Variants in TTLL8 observed in about 807,000 individuals in gnomAD.
TTLL8 encodes the protein protein monoglycylase TTLL8.
Under a neutral mutation model 77.8 loss-of-function variants are expected in TTLL8, and 65 were observed. The ratio of observed to expected loss-of-function variants is 0.84; its 90% CI spans 0.68 to 1.03. The LOEUF (loss-of-function observed/expected upper bound fraction) is 1.03, where lower values mean the gene tolerates loss of function less well. TTLL8 is among the 50% of genes least tolerant of loss of function. The pLI, the probability that TTLL8 is intolerant of heterozygous loss-of-function variation, is 0.00. For synonymous variants in TTLL8, 402 were observed against 422.8 expected, an observed-to-expected ratio of 0.95 and a Z score of 0.60; for missense variants, 910 against 1,004.5, an observed-to-expected ratio of 0.91 and a Z score of 1.27.
chr22:50,027,058 A>AC (rs1266804351), intron 12 of TTLL8, among the ~76,000 whole-genome samples: 1 of 151,464 alleles, frequency 6.6e-6, no homozygotes, highest in African/African-American at 2.4e-5. Flanking sequence ...ATATGATGAA[A>AC]CCCCATCTCT....
chr22:50,056,756 G>A, upstream of TTLL8: 1 of 1,283,258 alleles, frequency 7.8e-7, no homozygotes, highest in East Asian at 5.6e-5. The surrounding 1 kb of genome is among the most constrained non-coding windows in gnomAD (Gnocchi z 4.1). Flanking sequence ...GCTCAGTGAA[G>A]TGCCTGCCCC....
At chr22:50,052,794 C>T (rs1601940027) in intron 1 of TTLL8, among the ~76,000 whole-genome samples, 1 of 152,210 alleles carries the variant, frequency 6.6e-6, no homozygotes, top group Non-Finnish European at 1.5e-5. Flanking sequence ...ACAAAGTAGA[C>T]AAACCCAAGA....
chr22:50,033,764 G>GT (rs1255096509), intron 9 of TTLL8, among the ~76,000 whole-genome samples: 1 of 152,244 alleles, frequency 6.6e-6, no homozygotes, highest in African/African-American at 2.4e-5. Context: ...GATGGGCATG[G>GT]TGGCTTATGC....
At chr22:50,018,732 C>G (rs908836750) in intron 12 of TTLL8, among the ~76,000 whole-genome samples, 1 of 152,208 alleles carries the variant, frequency 6.6e-6, no homozygotes, top group Non-Finnish European at 1.5e-5. Context: ...ATTCAATGTT[C>G]GGCGGGAGAG....
chr22:50,045,880 C>A lies in TTLL8; in HGVS notation c.484G>T (p.Glu162Ter). Residue 162 changes from glutamate (E) to a stop codon, truncating the protein, a stop_gained, in exon 5 of 14, where the codon GAG (glutamate) becomes TAG (stop). Coordinates refer to ENST00000266182, the Ensembl canonical transcript of TTLL8. LOFTEE classifies it high-confidence loss of function. ...CCCAGGAACTCCTGCTGCTCACTCT[C>A]GGTGCAGAGGCTGTAGCAGCGTGGG... 7.4e-7 allele frequency: 1 copy of A among 1,357,302 alleles called. No individual in the cohort carries two copies. The highest frequency in any genetic ancestry group is 9.8e-7 in the Non-Finnish European group (1 of 1,018,926). The allele number at this position is 1,357,302 out of a possible 1,614,324, so 84.1% of individuals were successfully genotyped here. A position where few individuals can be genotyped will look rare whatever the true frequency, so the allele number is the denominator to read the frequency against.
chr22:50,050,075 C>G (rs757955045), intron 2 of TTLL8, 34 bp downstream of exon 4: 1 of 1,361,732 alleles, frequency 7.3e-7, no homozygotes, highest in African/African-American at 1.5e-5. Context: ...GACGCACACG[C>G]CCTGAGCTGA....
rs754037962 is a variant in TTLL8 at position 50,041,670 on chromosome 22, T to G, written c.781A>C (p.Thr261Pro). The G allele has an allele frequency of 1.5e-6, 2 of 1,367,026 alleles. No homozygotes were observed. Among genetic ancestry groups the G allele is most frequent in the African/African-American group, 3.0e-5 (2 of 67,738 alleles). The allele number at this position is 1,367,026 out of a possible 1,614,324, so 84.7% of individuals were successfully genotyped here. Residue 261 changes from threonine (T) to proline (P), a missense_variant, in exon 7 of 14, where the codon ACT (threonine) becomes CCT (proline). Thr to Pro is a conservative substitution (Grantham distance 38, BLOSUM62 -1). Transcript: ENST00000266182. The surrounding 1 kb of genome is among the most constrained non-coding windows in gnomAD (Gnocchi z 4.3). The stretch of plus-strand genomic sequence containing the variant: ...GTCAGGTCCTCCCACTCGGCCTCAG[T>G]GAGGTCCTCCACGGCATCTGCTGAC...
intron 12 of TTLL8, among the ~76,000 whole-genome samples, chr22:50,022,627 T>C (rs1266576458): frequency 6.6e-6 from 1 of 151,176 alleles, no homozygotes; most frequent in Non-Finnish European, 1.5e-5. Flanking sequence ...CATTCCTCCA[T>C]CTGACGACGT....
chr22:50,054,298 C>A (rs1326940042), intron 1 of TTLL8, among the ~76,000 whole-genome samples: 1 of 152,136 alleles, frequency 6.6e-6, no homozygotes, highest in Non-Finnish European at 1.5e-5. Context: ...CCTCAGCTCC[C>A]ATTTACAGAA....
Position 50,048,795 on chromosome 22 carries a change from G to A in TTLL8, c.264+454C>T, listed in dbSNP as rs1469307253. 2.6e-5 allele frequency among the ~76,000 whole-genome samples: 4 copies of A among 152,144 alleles called. No homozygotes were observed. In the East Asian group the frequency reaches 5.8e-4, roughly 22 times the overall value. On this transcript the variant is annotated intron_variant, in intron 3 of 13. Coordinates refer to ENST00000266182, the Ensembl canonical transcript of TTLL8. ...CGCCTCCCACCCTGGTTTCTCTTTC[G>A]CCCTCTTTATGGTGGAGTGTTGGGA...
intron 12 of TTLL8, among the ~76,000 whole-genome samples, chr22:50,029,611 G>A (rs1331405577): frequency 6.6e-6 from 1 of 151,628 alleles, no homozygotes; most frequent in Non-Finnish European, 1.5e-5. Flanking sequence ...GGCGCCTGTG[G>A]TCCCAGCTAC....
chr22:50,051,493 A>G (rs2061443453), intron 1 of TTLL8, among the ~76,000 whole-genome samples: 1 of 152,198 alleles, frequency 6.6e-6, no homozygotes, highest in Non-Finnish European at 1.5e-5. Flanking sequence ...GCTGCTGCAA[A>G]CATGCGTGAG....
Position 50,041,912 on chromosome 22 carries a change from C to T in TTLL8, c.644-105G>A. The T allele has an allele frequency of 1.0e-6, 1 of 992,858 alleles. No individual in the cohort carries two copies. The highest frequency in any genetic ancestry group is 1.7e-5 in the African/African-American group (1 of 58,198). The allele number at this position is 992,858 out of a possible 1,614,324, so 61.5% of individuals were successfully genotyped here. On this transcript the variant is annotated intron_variant, in intron 6 of 13. Transcript: ENST00000266182. The surrounding 1 kb of genome is among the most constrained non-coding windows in gnomAD (Gnocchi z 4.3). Reference sequence around the variant, plus strand: ...GTCATGGACAAAGGCTGCTCCACTCCCTCTGTGCCCCAATACCCAACAAGT... The same window carrying T: ...GTCATGGACAAAGGCTGCTCCACTCTCTCTGTGCCCCAATACCCAACAAGT...
chr22:50,049,013 C>A (rs2061428884), intron 3 of TTLL8, among the ~76,000 whole-genome samples: 1 of 152,230 alleles, frequency 6.6e-6, no homozygotes. Flanking sequence ...TGGAGGGGAG[C>A]TGGGAGCACC....
intron 12 of TTLL8, chr22:50,027,878 G>A (rs865812545): frequency 1.0e-5 from 9 of 880,564 alleles, no homozygotes; most frequent in Middle Eastern, 5.8e-4. Flanking sequence ...GGGCCTGACC[G>A]CGAAACGCTC....
At chr22:50,052,276 C>T (rs1247162869) in intron 1 of TTLL8, among the ~76,000 whole-genome samples, 1 of 152,220 alleles carries the variant, frequency 6.6e-6, no homozygotes, top group Non-Finnish European at 1.5e-5. Flanking sequence ...CCACAAGACA[C>T]TCTGCCACCC....
intron 1 of TTLL8, among the ~76,000 whole-genome samples, chr22:50,052,242 C>A (rs1329750154): frequency 6.6e-6 from 1 of 152,106 alleles, no homozygotes; most frequent in Non-Finnish European, 1.5e-5. Context: ...GGACAGTCCG[C>A]AAGAGGGCTG....
chr22:50,055,220 C>T (rs1195257009), upstream of TTLL8: 10 of 1,287,998 alleles, frequency 7.8e-6, no homozygotes, highest in African/African-American at 9.1e-5. Context: ...CACCGAGTCC[C>T]AAGGAGCATT....
In TTLL8 at chr22:50,045,593, G is replaced by A. The variant is rs201003866; in HGVS notation, c.509-204C>T. 1.7e-4 allele frequency among the ~76,000 whole-genome samples: 26 copies of A among 152,192 alleles called. No homozygotes were observed. The East Asian group carries it at 2.7e-3, about 16-fold the overall frequency. On this transcript the variant is annotated intron_variant, in intron 5 of 13. Transcript: ENST00000266182. ...CTGCGGCCGTCCAGCTGCACCCCTCGGCCTCCGACCACGGAGCCGGCCTTG... is the reference window on the plus strand; with the variant it reads ...CTGCGGCCGTCCAGCTGCACCCCTCAGCCTCCGACCACGGAGCCGGCCTTG...
Sources: allele counts gnomAD v4.1 joint callset (sites outside exome capture counted in the v4.1 genomes callset), GRCh38; gene constraint gnomAD v4.1.1; non-coding constraint Gnocchi (gnomAD v3.1); transcripts MANE v1.5; gene names NCBI Gene and HGNC (gene_info 2026-07-23, HGNC 2026-07-21).